Variants in ZAR1L observed in about 807,000 individuals in gnomAD.
ZAR1L encodes the protein zygote arrest 1 like.
ZAR1L carries 16 observed loss-of-function variants against 30.0 expected under a neutral mutation model. The observed-to-expected ratio is 0.53, with a 90% CI of 0.36 to 0.81. The LOEUF (loss-of-function observed/expected upper bound fraction) is 0.81, where lower values mean the gene tolerates loss of function less well. Ranked by LOEUF, ZAR1L falls within the 30% of genes least tolerant of loss-of-function variation. The pLI is 0.00. For missense variants in ZAR1L, 392 were observed against 417.2 expected (o/e 0.94, Z 0.53); for synonymous variants, 197 against 166.8 (o/e 1.18, Z -1.40).
chr13:32,311,663 G>T lies in ZAR1L; in HGVS notation c.263C>A (p.Thr88Asn), dbSNP rs1326236004. The T allele has an allele frequency of 1.3e-6, 2 of 1,551,490 alleles. No individual in the cohort carries two copies. The highest frequency in any genetic ancestry group is 1.7e-6 in the Non-Finnish European group (2 of 1,146,998). The stretch of plus-strand genomic sequence containing the variant: ...GCTCACCTGCACGCCCACCTCCTTG[G>T]TGTTGGGCTTGCACAGCCGCGGGCT... Reference protein sequence around the residue: ...SLSPRLCKPNTKEVGVQVSPR... With the variant: ...SLSPRLCKPNNKEVGVQVSPR... The change falls in exon 3 of 6, where the codon ACC becomes AAC. Residue 88 changes from threonine to asparagine, a missense_variant. Coordinates refer to ENST00000533490, the MANE Select transcript of ZAR1L (RefSeq NM_001136571.2).
At position 32,308,773 on chromosome 13, in the gene ZAR1L, A is replaced by G. The variant is rs2138687323; in HGVS notation, c.748-13T>C. 1 of 1,501,296 alleles carries G rather than the reference A, an allele frequency of 6.7e-7. No homozygotes were observed. Among genetic ancestry groups the G allele is most frequent in the Non-Finnish European group, 9.0e-7 (1 of 1,112,960 alleles). The allele number at this position is 1,501,296 out of a possible 1,614,324, so 93.0% of individuals were successfully genotyped here. ...GTTTGAAATAAACCTAAAGAGAAAT[A>G]TGTTTTTTTTTAATACAAGCTTTTA... On this transcript the variant is annotated splice_polypyrimidine_tract_variant and intron_variant, in intron 4 of 5. Transcript: ENST00000533490.
intron 2 of ZAR1L, 51 bp from the exon 3 acceptor site, chr13:32,312,144 TCCTA>T: frequency 1.8e-6 from 1 of 546,528 alleles, no homozygotes; most frequent in South Asian, 2.9e-5. Context: ...GCCACCTGAT[TCCTA>T]CCTAATTGCT....
At chr13:32,307,701 G>A (rs949379933) in intron 5 of ZAR1L, among the ~76,000 whole-genome samples, 8 of 152,026 alleles carry the variant, frequency 5.3e-5, no homozygotes, top group Admixed American at 2.0e-4. Context: ...TTTAAACCCA[G>A]TTTAATAAGT....
In ZAR1L at chr13:32,303,782, T is replaced by G. The variant is rs2072155399; in HGVS notation, c.*97A>C. The stretch of plus-strand genomic sequence containing the variant: ...CAAAAAGTACAAAAGCCTAGCCATT[T>G]TCCGATGCCAGGTCAGAGCCAAGTT... On this transcript the variant is annotated 3_prime_UTR_variant, in exon 6 of 6. Coordinates refer to ENST00000533490, the MANE Select transcript of ZAR1L (RefSeq NM_001136571.2). The G allele has an allele frequency of 1.6e-6, 2 of 1,264,264 alleles. No homozygotes were observed. Among genetic ancestry groups the G allele is most frequent in the Non-Finnish European group, 2.2e-6 (2 of 928,810 alleles). The allele number at this position is 1,264,264 out of a possible 1,614,324, so 78.3% of individuals were successfully genotyped here.
chr13:32,308,568 C>T, intron 5 of ZAR1L, 118 bp downstream of exon 5: 1 of 705,232 alleles, frequency 1.4e-6, no homozygotes, highest in South Asian at 1.9e-5. Flanking sequence ...TGTAACATCT[C>T]AAACATACAG....
At position 32,310,657 on chromosome 13, in the gene ZAR1L, G is replaced by T; in HGVS notation, c.729C>A (p.Cys243Ter). Residue 243 changes from cysteine (C) to a stop codon, truncating the protein, a stop_gained, in exon 4 of 6, where the codon TGC becomes TGA. Coordinates refer to ENST00000533490, the MANE Select transcript of ZAR1L (RefSeq NM_001136571.2). LOFTEE classifies it high-confidence loss of function. ...KTRWESAYVW[C>*]ISGTNKVYFK... ...TATTTACCTTGTTCGTTCCAGAAAT[G>T]CACCACACGTAAGCACTCTCCCACC... The T allele has an allele frequency of 2.6e-6, 4 of 1,551,022 alleles. No individual in the cohort carries two copies. Among genetic ancestry groups the T allele is most frequent in the Non-Finnish European group, 3.5e-6 (4 of 1,146,336 alleles).
intron 4 of ZAR1L, among the ~76,000 whole-genome samples, chr13:32,309,738 C>G (rs1387036943): frequency 6.6e-6 from 1 of 152,166 alleles, no homozygotes; most frequent in Non-Finnish European, 1.5e-5. Context: ...AGAACAAGTC[C>G]TGTGTTTTGT....
chr13:32,312,738 T>C (rs1265835157), intron 2 of ZAR1L, among the ~76,000 whole-genome samples: 1 of 151,822 alleles, frequency 6.6e-6, no homozygotes, highest in Admixed American at 6.6e-5. Context: ...ATCAGCCGGG[T>C]ATGGTGGCAC....
intron 5 of ZAR1L, among the ~76,000 whole-genome samples, chr13:32,307,716 A>G (rs2072186798): frequency 6.6e-6 from 1 of 152,152 alleles, no homozygotes; most frequent in Non-Finnish European, 1.5e-5. Flanking sequence ...ATAAGTAGTT[A>G]TATTGAACAT....
Position 32,303,937 on chromosome 13 carries a change from C to T in ZAR1L, c.908G>A (p.Arg303His), listed in dbSNP as rs965154925. 18 of 1,551,738 alleles carry T rather than the reference C, an allele frequency of 1.2e-5. No individual in the cohort carries two copies. The highest frequency in any genetic ancestry group is 4.1e-5 in the African/African-American group (3 of 73,038). Residue 303 changes from arginine to histidine, a missense_variant, in exon 6 of 6, where the codon CGC becomes CAC. Arg to His is a conservative substitution (Grantham distance 29). Coordinates refer to ENST00000533490, the MANE Select transcript of ZAR1L (RefSeq NM_001136571.2). ...ACAGGAGAATCTCTTGTCTTTGCAG[C>T]GACCACACAGTTCCTGTCGATGAGG... Reference protein sequence around the residue: ...RRPHRQELCGRCKDKRFSCGN... With the variant: ...RRPHRQELCGHCKDKRFSCGN...
In ZAR1L at chr13:32,308,758, A is replaced by C; in HGVS notation, c.750T>G (p.Val250=). The change falls in exon 5 of 6, where the codon GTT becomes GTG. Residue 250 remains valine, a splice_region_variant and synonymous_variant. Coordinates refer to ENST00000533490, the MANE Select transcript of ZAR1L (RefSeq NM_001136571.2). ...YVWCISGTNK[V]YFKQLCCKCQ... is the part of the protein sequence containing the mutation. ...ATTTACAACAGAGTTGTTTGAAATA[A>C]ACCTAAAGAGAAATATGTTTTTTTT... 1.9e-6 allele frequency: 3 copies of C among 1,543,910 alleles called. No homozygotes were observed. Among genetic ancestry groups the C allele is most frequent in the Non-Finnish European group, 2.6e-6 (3 of 1,142,786 alleles).
At chr13:32,309,014 G>A (rs1451233820) in intron 4 of ZAR1L, among the ~76,000 whole-genome samples, 1 of 148,306 alleles carries the variant, frequency 6.7e-6, no homozygotes, top group Non-Finnish European at 1.5e-5. Context: ...TTTTGAGATG[G>A]AGTTTTGCTC....
At chr13:32,307,131 T>A (rs1364330736) in intron 5 of ZAR1L, among the ~76,000 whole-genome samples, 1 of 151,892 alleles carries the variant, frequency 6.6e-6, no homozygotes, top group South Asian at 2.1e-4. Context: ...ATTTTAAATA[T>A]AGGTAAAATA....
chr13:32,306,691 G>A (rs2072177892), intron 5 of ZAR1L, among the ~76,000 whole-genome samples: 1 of 152,192 alleles, frequency 6.6e-6, no homozygotes. Flanking sequence ...AATACTTTGG[G>A]AGGCCAAGGC....
At position 32,311,732 on chromosome 13, in the gene ZAR1L, C is replaced by T; in HGVS notation, c.194G>A (p.Arg65Lys). The change falls in exon 3 of 6, where the codon AGG becomes AAG. Residue 65 changes from arginine (R) to lysine (K), a missense_variant. By Grantham distance (26) the Arg-to-Lys change is conservative. Coordinates refer to ENST00000533490, the MANE Select transcript of ZAR1L (RefSeq NM_001136571.2). ...GGAGAGAATGGCCTTAAGCTGCGCC[C>T]TCTTGTAAGGGTCAATGCAGTAGTC... ...APDYCIDPYK[R>K]AQLKAILSQM... 8 of 1,551,698 alleles carry T rather than the reference C, an allele frequency of 5.2e-6. No homozygotes were observed. Among genetic ancestry groups the T allele is most frequent in the Non-Finnish European group, 7.0e-6 (8 of 1,147,012 alleles).
chr13:32,308,785 A>T (rs746940583), intron 4 of ZAR1L, 25 bp from the exon 5 acceptor site: 66 of 1,213,936 alleles, frequency 5.4e-5, no homozygotes, highest in Non-Finnish European at 7.4e-5. Context: ...GTTTTTTTTT[A>T]ATACAAGCTT....
rs1367739162 is a variant in ZAR1L at position 32,311,380 on chromosome 13, C to T, written c.546G>A (p.Gly182=). 1 of 1,550,848 alleles carries T rather than the reference C, an allele frequency of 6.4e-7. No individual in the cohort carries two copies. Among genetic ancestry groups the T allele is most frequent in the Admixed American group, 2.0e-5 (1 of 51,014 alleles). Residue 182 remains glycine (G), a synonymous_variant, in exon 3 of 6, where the codon GGG becomes GGA. Coordinates refer to ENST00000533490, the MANE Select transcript of ZAR1L (RefSeq NM_001136571.2). ...RSGADRQEEP[G]QLEESGEKDA... is the part of the protein sequence containing the mutation. ...CTTTCTCCCCCGATTCCTCCAGCTGCCCGGGCTCCTCCTGCCTGTCAGCTC... is the reference window on the plus strand; with the variant it reads ...CTTTCTCCCCCGATTCCTCCAGCTGTCCGGGCTCCTCCTGCCTGTCAGCTC...
At chr13:32,313,376 T>G (rs1384708639) in intron 2 of ZAR1L, among the ~76,000 whole-genome samples, 1 of 152,246 alleles carries the variant, frequency 6.6e-6, no homozygotes, top group Non-Finnish European at 1.5e-5. Flanking sequence ...GTTTGTTTGC[T>G]TGTTTGAAAT....
chr13:32,311,219 G>T, intron 3 of ZAR1L, 53 bp downstream of exon 3: 2 of 1,478,664 alleles, frequency 1.4e-6, no homozygotes, highest in Non-Finnish European at 1.8e-6. Flanking sequence ...GATGGAAAAG[G>T]AGGGAGGGGA....
Sources: allele counts gnomAD v4.1 joint callset (sites outside exome capture counted in the v4.1 genomes callset), GRCh38; gene constraint gnomAD v4.1.1; transcripts MANE v1.5; gene names NCBI Gene and HGNC (gene_info 2026-07-23, HGNC 2026-07-21).